Variants in ADGRA1 observed in about 807,000 individuals in gnomAD.
ADGRA1 encodes G-protein coupled receptor 123.
In ADGRA1, 12 loss-of-function variants were observed where a neutral mutation model predicts 21.3. The ratio of observed to expected loss-of-function variants is 0.56; its 90% CI spans 0.36 to 0.91. The LOEUF (loss-of-function observed/expected upper bound fraction) is 0.91. Ranked by LOEUF, ADGRA1 falls within the 40% of genes least tolerant of loss-of-function variation. The pLI is 0.01. For missense variants in ADGRA1, 790 were observed against 805.6 expected (o/e 0.98, Z 0.23); for synonymous variants, 385 against 368.8 (o/e 1.04, Z -0.50).
chr10:133,100,883 G>A (rs1285215923), intron 4 of ADGRA1, among the ~76,000 whole-genome samples: 1 of 152,220 alleles, frequency 6.6e-6, no homozygotes, highest in East Asian at 1.9e-4. Context: ...GGAGGTGCCT[G>A]CCGGACGCGT....
At chr10:133,089,113 G>C (rs998957228) in intron 2 of ADGRA1, 14 of 990,318 alleles carry the variant, frequency 1.4e-5, no homozygotes, top group Non-Finnish European at 1.6e-5. Flanking sequence ...TCTGCTCCCC[G>C]CGTGCTGGGT....
At chr10:133,098,610 C>A in intron 3 of ADGRA1, 30 bp from the exon 4 acceptor site, 1 of 1,596,536 alleles carries the variant, frequency 6.3e-7, no homozygotes, top group South Asian at 1.1e-5. Flanking sequence ...AGCCTCTGCT[C>A]ATGTGAAACC....
intron 5 of ADGRA1, among the ~76,000 whole-genome samples, chr10:133,111,599 A>G (rs370493743): frequency 0.16 from 136 of 858 alleles, 2 homozygotes; most frequent in Admixed American, 0.28. Flanking sequence ...CCCACCACGG[A>G]CACCTCCCTC....
intron 5 of ADGRA1, among the ~76,000 whole-genome samples, chr10:133,104,287 T>C (rs1228559692): frequency 6.6e-6 from 1 of 152,208 alleles, no homozygotes; most frequent in Non-Finnish European, 1.5e-5. Context: ...GGTTTCATTA[T>C]CTTGCCTCTC....
intron 5 of ADGRA1, among the ~76,000 whole-genome samples, chr10:133,103,229 G>A (rs1288559858): frequency 1.3e-5 from 2 of 152,196 alleles, no homozygotes; most frequent in African/African-American, 4.8e-5. Flanking sequence ...GTGCTACCGA[G>A]TTGCTGGCGT....
chr10:133,129,115 C>G lies in ADGRA1; in HGVS notation c.1287C>G (p.His429Gln). Residue 429 changes from histidine to glutamine, a missense_variant, in exon 7 of 7, where the codon CAC becomes CAG. Physicochemically the swap from His to Gln is conservative, Grantham distance 24. Transcript: ENST00000392607. ...GRTKPPYFSR[H>Q]PAEEPEYAYH... ...CTAAGCCGCCCTACTTTAGCCGGCA[C>G]CCAGCAGAGGAGCCCGAGTACGCCT... 6.4e-7 allele frequency: 1 copy of G among 1,553,118 alleles called. No homozygotes were observed. Among genetic ancestry groups the G allele is most frequent in the African/African-American group, 1.4e-5 (1 of 73,398 alleles).
At chr10:133,104,171 G>T (rs867550400) in intron 5 of ADGRA1, among the ~76,000 whole-genome samples, 6 of 152,334 alleles carry the variant, frequency 3.9e-5, no homozygotes, top group Middle Eastern at 3.4e-3. Context: ...TTTGCACCCG[G>T]AGCATTTTCT....
intron 2 of ADGRA1, chr10:133,095,724 G>A (rs1385713657): frequency 2.9e-5 from 47 of 1,598,214 alleles, no homozygotes; most frequent in Non-Finnish European, 3.8e-5. Context: ...AAGAAGTGTG[G>A]CCTCAGGAGG....
intron 5 of ADGRA1, among the ~76,000 whole-genome samples, chr10:133,120,868 A>G (rs1038238366): frequency 1.3e-5 from 2 of 152,248 alleles, no homozygotes; most frequent in Non-Finnish European, 2.9e-5. Flanking sequence ...TCTGCTTTTG[A>G]CATGCCTTCC....
chr10:133,106,666 C>T lies in ADGRA1; in HGVS notation c.401+3824C>T, dbSNP rs573137517. Among the ~76,000 whole-genome samples, 63 of 152,380 alleles carry T rather than the reference C, an allele frequency of 4.1e-4. 2 individuals are homozygous for T. The South Asian group carries it at 0.012, about 30-fold the overall frequency. ...TGCTGGCTTCCCCGCATCGGGGGTA[C>T]GGCAGCAGACACCCATCCCAGATCC... On this transcript the variant is annotated intron_variant, in intron 5 of 6. Transcript: ENST00000392607.
At chr10:133,096,496 A>G (rs970684485) in intron 2 of ADGRA1, among the ~76,000 whole-genome samples, 2 of 152,214 alleles carry the variant, frequency 1.3e-5, no homozygotes, top group African/African-American at 4.8e-5. Flanking sequence ...AGAAGCTCGT[A>G]CAGAATCCTC....
intron 2 of ADGRA1, 129 bp from the exon 3 acceptor site, chr10:133,096,845 T>C: frequency 8.5e-7 from 1 of 1,169,700 alleles, no homozygotes; most frequent in Non-Finnish European, 1.2e-6. Flanking sequence ...CCCCCTTCCC[T>C]GAGACCCCAC....
chr10:133,101,086 AAGG>A lies in ADGRA1; in HGVS notation c.256-1605_256-1603del, dbSNP rs1201733227. On this transcript the variant is annotated intron_variant, in intron 4 of 6. Coordinates refer to ENST00000392607, the MANE Select transcript of ADGRA1 (RefSeq NM_001083909.3). The stretch of plus-strand genomic sequence containing the variant: ...CAGTTCCGCATTCCCGCCTCCGGGT[AAGG>A]AGGAGAATTCAGCCACTACCGGCTG... Among the ~76,000 whole-genome samples the A allele has an allele frequency of 5.9e-5, 9 of 152,324 alleles. No homozygotes were observed. The East Asian group carries it at 1.5e-3, about 26-fold the overall frequency.
At position 133,097,004 on chromosome 10, in the gene ADGRA1, T is replaced by C. The variant is rs918936758; in HGVS notation, c.34T>C (p.Tyr12His). The change falls in exon 3 of 7, where the codon TAC becomes CAC. Residue 12 changes from tyrosine (Y) to histidine (H), a missense_variant. Physicochemically the swap from Tyr to His is moderately conservative, Grantham distance 83. This residue lies in a region of ADGRA1 where 382 missense variants were observed against 415.6 expected (regional missense o/e 0.92). Coordinates refer to ENST00000392607, the MANE Select transcript of ADGRA1 (RefSeq NM_001083909.3). ...GAAGACAGTGCTCTCCCTGCCCCGCTACCCAGGGGAGTTCCTGCACCCCGT... is the reference window on the plus strand; with the variant it reads ...GAAGACAGTGCTCTCCCTGCCCCGCCACCCAGGGGAGTTCCTGCACCCCGT... ...DLKTVLSLPRYPGEFLHPVVY... is the reference protein window; with the variant it reads ...DLKTVLSLPRHPGEFLHPVVY... 1 of 1,613,396 alleles carries C rather than the reference T, an allele frequency of 6.2e-7. No homozygotes were observed. Among genetic ancestry groups the C allele is most frequent in the African/African-American group, 1.3e-5 (1 of 75,052 alleles).
At position 133,128,402 on chromosome 10, in the gene ADGRA1, G is replaced by C; in HGVS notation, c.574G>C (p.Val192Leu). 1.9e-6 allele frequency: 3 copies of C among 1,606,422 alleles called. No individual in the cohort carries two copies. The highest frequency in any genetic ancestry group is 2.5e-6 in the Non-Finnish European group (3 of 1,177,296). Residue 192 changes from valine (V) to leucine (L), a missense_variant, in exon 7 of 7, where the codon GTG becomes CTG. Transcript: ENST00000392607. ...CGCCATCATCACCCTGGTCACCTGT[G>C]TGTACTTCCTGGGCACCTACGTGCA... ...PAAIITLVTC[V>L]YFLGTYVQLR...
intron 5 of ADGRA1, among the ~76,000 whole-genome samples, chr10:133,120,422 A>G (rs1044086670): frequency 8.5e-5 from 13 of 152,124 alleles, no homozygotes; most frequent in Admixed American, 7.9e-4. Context: ...GAAAAAAAAT[A>G]TATCTTGTTT....
chr10:133,100,188 G>GCCCAGCATGGC (rs1050792559), intron 4 of ADGRA1, among the ~76,000 whole-genome samples: 1 of 152,238 alleles, frequency 6.6e-6, no homozygotes, highest in Non-Finnish European at 1.5e-5. Flanking sequence ...CTGGGCCTGG[G>GCCCAGCATGGC]CCCAGCATGG....
chr10:133,100,673 C>G (rs944420810), intron 4 of ADGRA1, among the ~76,000 whole-genome samples: 4 of 152,240 alleles, frequency 2.6e-5, no homozygotes, highest in Non-Finnish European at 5.9e-5. Flanking sequence ...CAGATGCTGT[C>G]CTGATCTCCC....
intron 2 of ADGRA1, among the ~76,000 whole-genome samples, chr10:133,089,605 G>A (rs574771326): frequency 1.1e-4 from 17 of 152,330 alleles, no homozygotes; most frequent in Middle Eastern, 3.4e-3. Context: ...GCTGACAGGC[G>A]GTGAGGACCC....
Sources: allele counts gnomAD v4.1 joint callset (sites outside exome capture counted in the v4.1 genomes callset), GRCh38; gene constraint gnomAD v4.1.1; regional missense constraint gnomAD v4.1.1; transcripts MANE v1.5; gene names NCBI Gene and HGNC (gene_info 2026-07-23, HGNC 2026-07-21).